Variants in TMEM30A observed in about 807,000 individuals in gnomAD.
TMEM30A encodes the protein cell division cycle 50 P4-ATPase accessory subunit A.
TMEM30A carries 24 observed loss-of-function variants against 38.2 expected under a neutral mutation model. That is an observed-to-expected ratio of 0.63 (90% CI 0.46 to 0.88). TMEM30A has a LOEUF of 0.88. TMEM30A is among the 40% of genes least tolerant of loss of function. The pLI, the probability that TMEM30A is intolerant of heterozygous loss-of-function variation, is 0.00. For synonymous variants in TMEM30A, 145 were observed against 161.6 expected (o/e 0.90, Z 0.78); for missense variants, 370 against 458.6 (o/e 0.81, Z 1.77).
intron 1 of TMEM30A, among the ~76,000 whole-genome samples, chr6:75,269,564 C>G (rs1772132082): frequency 6.6e-6 from 1 of 152,218 alleles, no homozygotes; most frequent in South Asian, 2.1e-4. Context: ...ATCTTGGTTG[C>G]TTCCAAGTTA....
intron 1 of TMEM30A, among the ~76,000 whole-genome samples, chr6:75,276,481 C>T (rs111973399): frequency 1.3e-5 from 2 of 152,214 alleles, no homozygotes; most frequent in African/African-American, 2.4e-5. Flanking sequence ...CAGAATTTAA[C>T]GAAATTATAG....
intron 1 of TMEM30A, among the ~76,000 whole-genome samples, chr6:75,278,025 T>C (rs1482133484): frequency 6.6e-6 from 1 of 152,170 alleles, no homozygotes; most frequent in Non-Finnish European, 1.5e-5. Context: ...AAGAGGAAGA[T>C]GGTGATATTC....
intron 4 of TMEM30A, 115 bp from the exon 5 acceptor site, chr6:75,259,605 G>T: frequency 2.4e-6 from 2 of 826,166 alleles, no homozygotes; most frequent in Non-Finnish European, 3.6e-6. Context: ...TTGTGACAGA[G>T]TAGGCATATG....
At chr6:75,276,533 T>C (rs1010469351) in intron 1 of TMEM30A, among the ~76,000 whole-genome samples, 1 of 148,178 alleles carries the variant, frequency 6.7e-6, no homozygotes, top group African/African-American at 2.4e-5. Flanking sequence ...GTGTCAGAAC[T>C]GGATGGTGTG....
intron 1 of TMEM30A, among the ~76,000 whole-genome samples, chr6:75,270,679 G>T (rs1418307699): frequency 6.6e-6 from 1 of 152,164 alleles, no homozygotes; most frequent in Non-Finnish European, 1.5e-5. Context: ...CCAATGGAAG[G>T]TATCACCCAG....
chr6:75,257,613 GA>G (rs1771886616), intron 6 of TMEM30A, among the ~76,000 whole-genome samples: 1 of 152,158 alleles, frequency 6.6e-6, no homozygotes, highest in African/African-American at 2.4e-5. Context: ...ACCAGCACTT[GA>G]AGTGGGTCTG....
chr6:75,284,708 G>C lies in TMEM30A; in HGVS notation c.-70C>G. The C allele has an allele frequency of 1.3e-6, 2 of 1,530,856 alleles. No individual in the cohort carries two copies. The highest frequency in any genetic ancestry group is 1.8e-6 in the Non-Finnish European group (2 of 1,115,216). 94.8% of individuals were successfully genotyped at this position (1,530,856 alleles called of 1,614,324 possible). A position where few individuals can be genotyped will look rare whatever the true frequency, so the allele number is the denominator to read the frequency against. On this transcript the variant is annotated 5_prime_UTR_variant, in exon 1 of 7. Transcript: ENST00000230461. ...GGGGGCCCGCCGGCTGACCCTGACA[G>C]GAACCGCTCGAGCGCCGCTGCCGCC...
chr6:75,256,131 T>G lies in TMEM30A; in HGVS notation c.1057A>C (p.Ser353Arg). ...ATGGTAATGTCAGCTGTATTACTAC[T>G]GTTTCTATATTTATGATTAATTACT... is the stretch of plus-strand genomic sequence containing the variant. ...LLVINHKYRN[S>R]SNTADITI The change falls in exon 7 of 7, where the codon AGT (serine) becomes CGT (arginine). Residue 353 changes from serine to arginine, a missense_variant. Physicochemically the swap from Ser to Arg is moderately radical, Grantham distance 110. Transcript: ENST00000230461. 1 of 1,611,534 alleles carries G rather than the reference T, an allele frequency of 6.2e-7. No individual in the cohort carries two copies. Among genetic ancestry groups the G allele is most frequent in the East Asian group, 2.2e-5 (1 of 44,802 alleles).
chr6:75,261,010 A>T, intron 3 of TMEM30A, 99 bp from the exon 4 acceptor site: 1 of 738,382 alleles, frequency 1.4e-6, no homozygotes, highest in East Asian at 2.7e-5. Context: ...CAACACCTAT[A>T]TTTTTCTCAC....
chr6:75,284,742 C>G lies in TMEM30A; in HGVS notation c.-104G>C, dbSNP rs893912523. On this transcript the variant is annotated 5_prime_UTR_variant, in exon 1 of 7. Transcript: ENST00000230461. ...CGAGCGCCGCTGCCGCCGCCGCCGC[C>G]GCAGCCACCAGCGCCACCGCCACAG... is the stretch of plus-strand genomic sequence containing the variant. 6.3e-6 allele frequency: 7 copies of G among 1,115,274 alleles called. No individual in the cohort carries two copies. Among genetic ancestry groups the G allele is most frequent in the Non-Finnish European group, 8.0e-6 (6 of 748,956 alleles). The allele number at this position is 1,115,274 out of a possible 1,614,324, so 69.1% of individuals were successfully genotyped here.
At chr6:75,280,414 A>G (rs1212015815) in intron 1 of TMEM30A, among the ~76,000 whole-genome samples, 1 of 152,176 alleles carries the variant, frequency 6.6e-6, no homozygotes, top group Non-Finnish European at 1.5e-5. Flanking sequence ...TTATGTAACA[A>G]GAGAGAAAAC....
chr6:75,269,744 G>C (rs572613976), intron 1 of TMEM30A, among the ~76,000 whole-genome samples: 13 of 152,130 alleles, frequency 8.5e-5, no homozygotes, highest in Non-Finnish European at 1.6e-4. Context: ...TCACCAGGCA[G>C]AGCGCAGTGG....
At chr6:75,275,498 C>G (rs1309202788) in intron 1 of TMEM30A, among the ~76,000 whole-genome samples, 1 of 152,182 alleles carries the variant, frequency 6.6e-6, no homozygotes, top group Non-Finnish European at 1.5e-5. Flanking sequence ...ATACTTAAAA[C>G]CTCATTTTCC....
chr6:75,256,758 G>T, intron 6 of TMEM30A: 1 of 486,448 alleles, frequency 2.1e-6, no homozygotes, highest in Non-Finnish European at 4.1e-6. Flanking sequence ...AAGGCTCTGA[G>T]CAAAAGATCA....
chr6:75,277,617 A>T (rs1455971221), intron 1 of TMEM30A, among the ~76,000 whole-genome samples: 1 of 152,118 alleles, frequency 6.6e-6, no homozygotes, highest in Non-Finnish European at 1.5e-5. Context: ...TTTTTTAAAA[A>T]AAGGCCAGGT....
Position 75,255,879 on chromosome 6 carries a change from G to T in TMEM30A, c.*223C>A. The T allele has an allele frequency of 2.5e-6, 1 of 400,364 alleles. No homozygotes were observed. The highest frequency in any genetic ancestry group is 4.5e-6 in the Non-Finnish European group (1 of 224,276). The allele number at this position is 400,364 out of a possible 1,614,324, so 24.8% of individuals were successfully genotyped here. Reference sequence around the variant, plus strand: ...CAAACATTAGAATGCCATTTCAGCAGTTACAGTGTTGATATGATCAATATA... The same window carrying T: ...CAAACATTAGAATGCCATTTCAGCATTTACAGTGTTGATATGATCAATATA... On this transcript the variant is annotated 3_prime_UTR_variant, in exon 7 of 7. Coordinates refer to ENST00000230461, the MANE Select transcript of TMEM30A (RefSeq NM_018247.4).
intron 1 of TMEM30A, among the ~76,000 whole-genome samples, chr6:75,275,573 G>A (rs879826015): frequency 4.6e-5 from 7 of 152,112 alleles, no homozygotes; most frequent in Non-Finnish European, 8.8e-5. Context: ...AAATATCTTA[G>A]TCATCTTTGA....
In TMEM30A at chr6:75,255,323, C is replaced by G. The variant is rs1429965574; in HGVS notation, c.*779G>C. 2 of 152,544 alleles carry G rather than the reference C, an allele frequency of 1.3e-5. No individual in the cohort carries two copies. Among genetic ancestry groups the G allele is most frequent in the African/African-American group, 4.8e-5 (2 of 41,428 alleles). 9.4% of individuals were successfully genotyped at this position (152,544 alleles called of 1,614,324 possible). On this transcript the variant is annotated 3_prime_UTR_variant, in exon 7 of 7. Coordinates refer to ENST00000230461, the MANE Select transcript of TMEM30A (RefSeq NM_018247.4). ...CTGCCAAGCAGTTTTCCCATATCAC[C>G]TGAATTCTTTCTTCCCTTATAAAGT...
chr6:75,275,816 C>G (rs907921891), intron 1 of TMEM30A, among the ~76,000 whole-genome samples: 1 of 152,114 alleles, frequency 6.6e-6, no homozygotes, highest in Non-Finnish European at 1.5e-5. Context: ...TTTCCTGGTA[C>G]AGAGCTCCTA....
Sources: allele counts gnomAD v4.1 joint callset (sites outside exome capture counted in the v4.1 genomes callset), GRCh38; gene constraint gnomAD v4.1.1; transcripts MANE v1.5; gene names NCBI Gene and HGNC (gene_info 2026-07-23, HGNC 2026-07-21).